The following ZNF540 variants were observed in gnomAD, a reference collection of about 807,000 sequenced individuals.
The protein encoded by ZNF540 is zinc finger protein 540.
A neutral mutation model predicts 11.8 loss-of-function variants in ZNF540; 3 were observed. The ratio of observed to expected loss-of-function variants is 0.25; its 90% CI spans 0.12 to 0.65. The LOEUF (loss-of-function observed/expected upper bound fraction) is 0.65, where lower values mean the gene tolerates loss of function less well. Among genes scored for constraint, ZNF540 ranks in the 30% least tolerant of loss-of-function variants. ZNF540 has a pLI of 0.83. For missense variants in ZNF540, 709 were observed against 793.1 expected, an observed-to-expected ratio of 0.89 and a Z score of 1.27; for synonymous variants, 247 against 259.0, an observed-to-expected ratio of 0.95 and a Z score of 0.45.
intron 4 of ZNF540, among the ~76,000 whole-genome samples, chr19:37,605,648 G>A (rs913453245): frequency 7.9e-5 from 12 of 151,758 alleles, no homozygotes; most frequent in Non-Finnish European, 1.2e-4. Context: ...AACTCTTGTC[G>A]CAAAAAAAAG....
intron 1 of ZNF540, among the ~76,000 whole-genome samples, chr19:37,574,786 A>C (rs1461208736): frequency 6.6e-6 from 1 of 152,162 alleles, no homozygotes; most frequent in Non-Finnish European, 1.5e-5. Flanking sequence ...CTCCTTCCTT[A>C]TCTCACTTTT....
At chr19:37,586,326 T>C (rs1220850204) in intron 1 of ZNF540, 3 of 224,500 alleles carry the variant, frequency 1.3e-5, no homozygotes, top group African/African-American at 2.3e-5. Flanking sequence ...AATTTTGTCA[T>C]GTATCACATT....
At chr19:37,565,548 G>A (rs765566517) in intron 1 of ZNF540, 2 of 1,613,030 alleles carry the variant, frequency 1.2e-6, no homozygotes, top group South Asian at 2.2e-5. Context: ...TGGTAAGTAA[G>A]TTGAGAGCCA....
intron 3 of ZNF540, 126 bp from the exon 4 acceptor site, chr19:37,600,884 G>C (rs917712427): frequency 2.7e-6 from 2 of 750,434 alleles, no homozygotes; most frequent in Admixed American, 2.6e-5. Flanking sequence ...CTTTAATCCT[G>C]TCAGTTTTTT....
chr19:37,565,503 AC>A lies in ZNF540; in HGVS notation c.-73+13839del, dbSNP rs763240979. On this transcript the variant is annotated intron_variant, in intron 1 of 4. Transcript: ENST00000592533. The stretch of plus-strand genomic sequence containing the variant: ...ATAAAGGCCTTTCCACATTCCTTAC[AC>A]TCATAAGGTTTCTCACCACTATGAA... 12 of 1,613,742 alleles carry A rather than the reference AC, an allele frequency of 7.4e-6. No individual in the cohort carries two copies. In the Admixed American group the frequency reaches 2.0e-4, roughly 27 times the overall value.
intron 1 of ZNF540, among the ~76,000 whole-genome samples, chr19:37,567,238 G>T (rs560438615): frequency 6.6e-6 from 1 of 152,278 alleles, no homozygotes; most frequent in South Asian, 2.1e-4. Context: ...CAAAGCAAGG[G>T]CTTTGTTTCA....
At chr19:37,561,048 CAAAAAAAAAAAAAA>C (rs199892724) in intron 1 of ZNF540, among the ~76,000 whole-genome samples, 8 of 73,780 alleles carry the variant, frequency 1.1e-4, no homozygotes, top group African/African-American at 1.4e-4. Flanking sequence ...CCTGTCTCTA[CAAAAAAAAAAAAAA>C]AAAAAAAAAA....
chr19:37,611,466 C>A, intron 4 of ZNF540, 47 bp from the exon 5 acceptor site: 1 of 1,456,382 alleles, frequency 6.9e-7, no homozygotes, highest in Non-Finnish European at 9.3e-7. Flanking sequence ...TTATGTTATG[C>A]TGGCTACAGG....
At chr19:37,596,531 G>C (rs931475107) in intron 1 of ZNF540, among the ~76,000 whole-genome samples, 2 of 152,104 alleles carry the variant, frequency 1.3e-5, no homozygotes, top group East Asian at 3.8e-4. Flanking sequence ...GGATACACTA[G>C]AATTTATTTA....
intron 1 of ZNF540, among the ~76,000 whole-genome samples, chr19:37,588,133 A>G (rs2043746288): frequency 7.0e-6 from 1 of 142,064 alleles, no homozygotes; most frequent in Admixed American, 7.1e-5. Flanking sequence ...AAAAAATCCC[A>G]TGGGTTAAAA....
chr19:37,612,280 A>C lies in ZNF540; in HGVS notation c.1000A>C (p.Lys334Gln). The change falls in exon 5 of 5, where the codon AAA becomes CAA. Residue 334 changes from lysine to glutamine, a missense_variant. By Grantham distance (53) the Lys-to-Gln change is moderately conservative. Transcript: ENST00000316433. Reference protein sequence around the residue: ...KKPYECKECGKAFSVCGQLTR... With the variant: ...KKPYECKECGQAFSVCGQLTR... ...ACCCTATGAATGTAAGGAGTGTGGG[A>C]AAGCTTTTAGTGTATGCGGACAACT... 6.2e-7 allele frequency: 1 copy of C among 1,614,060 alleles called. No individual in the cohort carries two copies. The highest frequency in any genetic ancestry group is 2.2e-5 in the East Asian group (1 of 44,872).
intron 1 of ZNF540, among the ~76,000 whole-genome samples, chr19:37,571,612 T>A (rs1011489923): frequency 3.9e-5 from 6 of 152,226 alleles, no homozygotes; most frequent in Non-Finnish European, 8.8e-5. Flanking sequence ...AAATTTACCA[T>A]GGTAAGAAAG....
rs1463260607 is a variant in ZNF540 at position 37,612,936 on chromosome 19, CTG to C, written c.1658_1659del (p.Cys553Ter). 1 of 1,613,976 alleles carries C rather than the reference CTG, an allele frequency of 6.2e-7. No homozygotes were observed. Among genetic ancestry groups the C allele is most frequent in the Non-Finnish European group, 8.5e-7 (1 of 1,179,984 alleles). On this transcript the variant is annotated frameshift_variant, in exon 5 of 5. Coordinates refer to ENST00000316433, the MANE Select transcript of ZNF540 (RefSeq NM_001172225.3). LOFTEE classifies it low-confidence loss of function (END_TRUNC). ...TTCATTCTGGTTTAAAACCCTATGA[CTG>C]TAAAGAATGTGGGAAGTCCTTTAGT... is the stretch of plus-strand genomic sequence containing the variant. ...KIHSGLKPYD[C>X]KECGKSFSRR...
intron 1 of ZNF540, among the ~76,000 whole-genome samples, chr19:37,579,649 T>C (rs147112021): frequency 6.6e-6 from 1 of 152,286 alleles, no homozygotes; most frequent in Non-Finnish European, 1.5e-5. Context: ...CTCATTACAT[T>C]TTGCAGGTGT....
rs775175022 is a variant in ZNF540 at position 37,612,037 on chromosome 19, A to G, written c.757A>G (p.Thr253Ala). The change falls in exon 5 of 5, where the codon ACT (threonine) becomes GCT (alanine). Residue 253 changes from threonine (T) to alanine (A), a missense_variant. Coordinates refer to ENST00000316433, the MANE Select transcript of ZNF540 (RefSeq NM_001172225.3). ...ATGTCAAGAATGTGGGAAGACCTTT[A>G]CTCTTTACCCACAACTTAATCGACA... is the stretch of plus-strand genomic sequence containing the variant. ...YECQECGKTF[T>A]LYPQLNRHQK... The G allele has an allele frequency of 2.2e-5, 35 of 1,613,060 alleles. No individual in the cohort carries two copies. The highest frequency in any genetic ancestry group is 2.7e-5 in the Non-Finnish European group (32 of 1,179,808).
At chr19:37,601,188 A>G (rs2044037140) in intron 4 of ZNF540, 83 bp downstream of exon 4, 1 of 1,211,886 alleles carries the variant, frequency 8.3e-7, no homozygotes, top group African/African-American at 1.5e-5. Flanking sequence ...CAGGCTTTGC[A>G]TGCTGTTTAG....
rs1258597903 is a variant in ZNF540 at position 37,564,659 on chromosome 19, T to C, written c.-73+12994T>C. 4.4e-6 allele frequency: 7 copies of C among 1,608,102 alleles called. No individual in the cohort carries two copies. The East Asian group carries it at 1.3e-4, about 31-fold the overall frequency. ...AGGACATCTAAAGTCTTTACCACAC[T>C]GGACACATGTATAGGGTTTCTCACC... On this transcript the variant is annotated intron_variant, in intron 1 of 4. Transcript: ENST00000592533.
chr19:37,561,291 T>C (rs4802024), intron 1 of ZNF540, among the ~76,000 whole-genome samples: 38,602 of 151,876 alleles, frequency 0.25, 5,587 homozygotes, highest in East Asian at 0.64. Context: ...GTGTAGAGGA[T>C]TGTAAAAACC....
chr19:37,592,153 G>C (rs1281910144), upstream of ZNF540, among the ~76,000 whole-genome samples: 2 of 152,098 alleles, frequency 1.3e-5, no homozygotes, highest in African/African-American at 4.8e-5. Context: ...AGCTACTCGG[G>C]AGGTTGAGGC....
Sources: allele counts gnomAD v4.1 joint callset (sites outside exome capture counted in the v4.1 genomes callset), GRCh38; gene constraint gnomAD v4.1.1; transcripts MANE v1.5; gene names NCBI Gene and HGNC (gene_info 2026-07-23, HGNC 2026-07-21).